The following PCDHGA1 variants were observed in gnomAD, a reference collection of about 807,000 sequenced individuals.
PCDHGA1 encodes protocadherin gamma subfamily A, 1.
PCDHGA1 carries 32 observed loss-of-function variants against 58.0 expected under a neutral mutation model. The observed-to-expected ratio is 0.55, with a 90% CI of 0.42 to 0.74. The LOEUF is 0.74. PCDHGA1 is among the 30% of genes least tolerant of loss of function. The probability of loss-of-function intolerance (pLI) is 0.00; values close to 1 mark genes in which losing one functional copy is unlikely to be tolerated. For missense variants in PCDHGA1, 1,205 were observed against 1,182.3 expected, an observed-to-expected ratio of 1.02 and a Z score of -0.28; for synonymous variants, 498 against 501.1, an observed-to-expected ratio of 0.99 and a Z score of 0.08.
At chr5:141,423,619 T>C (rs1389600826) in intron 1 of PCDHGA1, 1 of 1,608,090 alleles carries the variant, frequency 6.2e-7, no homozygotes. Context: ...AGCTGAAGAC[T>C]CAGCTATCAT....
chr5:141,357,328 G>C, intron 1 of PCDHGA1: 2 of 1,614,102 alleles, frequency 1.2e-6, no homozygotes, highest in Non-Finnish European at 1.7e-6. Context: ...TTTTGTCACG[G>C]TGCTGCTAGC....
At chr5:141,394,883 ACT>A (rs1415060925) in intron 1 of PCDHGA1, 4 of 1,611,604 alleles carry the variant, frequency 2.5e-6, no homozygotes, top group Admixed American at 1.7e-5. Context: ...CGAGCCTTAC[ACT>A]CTATCTCGTG....
intron 1 of PCDHGA1, among the ~76,000 whole-genome samples, chr5:141,475,237 G>C (rs2099360785): frequency 6.6e-6 from 1 of 152,234 alleles, no homozygotes. Flanking sequence ...AAACGATAGA[G>C]AGAGTGTGCT....
At chr5:141,393,886 A>G (rs944974638) in intron 1 of PCDHGA1, 3 of 1,614,034 alleles carry the variant, frequency 1.9e-6, no homozygotes, top group Admixed American at 1.7e-5. Context: ...CCAGTGTTAG[A>G]AAATTCTCTT....
At position 141,489,800 on chromosome 5, in the gene PCDHGA1, A is replaced by T. The variant is rs2099692478; in HGVS notation, c.2422-5007A>T. 1 of 1,614,166 alleles carries T rather than the reference A, an allele frequency of 6.2e-7. No homozygotes were observed. Among genetic ancestry groups the T allele is most frequent in the Non-Finnish European group, 8.5e-7 (1 of 1,179,994 alleles). On this transcript the variant is annotated intron_variant, in intron 1 of 3. Coordinates refer to ENST00000517417, the MANE Select transcript of PCDHGA1 (RefSeq NM_018912.3). This position sits in a 1 kb window ranked among gnomAD's most constrained non-coding sequence, Gnocchi z 4.5. ...TCTCTGAATGTGAAGACCCTAAAAG[A>T]TGGGAAGCCATTCCCAGAGCTGGTG...
At chr5:141,449,156 G>T (rs4432943) in intron 1 of PCDHGA1, among the ~76,000 whole-genome samples, 84,481 of 151,978 alleles carry the variant, frequency 0.56, 26,202 homozygotes, top group African/African-American at 0.85. Context: ...GGTCAAAGAG[G>T]AAATAGGTGT....
At chr5:141,398,384 T>A (rs1413881140) in intron 1 of PCDHGA1, 1 of 1,454,330 alleles carries the variant, frequency 6.9e-7, no homozygotes, top group East Asian at 2.3e-5. Context: ...GAGTTGCTTG[T>A]GAGCAGCAGG....
intron 1 of PCDHGA1, chr5:141,379,749 T>A (rs1396117156): frequency 6.6e-6 from 1 of 152,138 alleles, no homozygotes; most frequent in African/African-American, 2.4e-5. Flanking sequence ...ATGAGGTTCT[T>A]TAATCCACCT....
At chr5:141,372,231 G>T (rs868293386) in intron 1 of PCDHGA1, 3 of 1,613,374 alleles carry the variant, frequency 1.9e-6, no homozygotes, top group Middle Eastern at 3.3e-4. Context: ...GCAGGCCAGC[G>T]AGCCCGGGCT....
At chr5:141,343,850 T>C (rs987195150) in intron 1 of PCDHGA1, 15 of 529,078 alleles carry the variant, frequency 2.8e-5, no homozygotes, top group Non-Finnish European at 4.9e-5. Context: ...GCTCCTAAAA[T>C]GCAAAGAACC....
intron 1 of PCDHGA1, chr5:141,352,663 T>G: frequency 1.3e-6 from 2 of 1,589,980 alleles, no homozygotes; most frequent in Non-Finnish European, 1.7e-6. Flanking sequence ...CTTCTTTGTC[T>G]TCGCACGTGA....
rs1311219092 is a variant in PCDHGA1 at position 141,372,180 on chromosome 5, G to A, written c.2421+39075G>A. 1 of 1,613,652 alleles carries A rather than the reference G, an allele frequency of 6.2e-7. No homozygotes were observed. On this transcript the variant is annotated intron_variant, in intron 1 of 3. Transcript: ENST00000517417. ...GGTGACCAAGGTGGTGGCGGTGGAC[G>A]CAGACTCGGGATACAACGCCTGGCT...
rs544861406 is a variant in PCDHGA1, at chr5:141,356,918, C to G, written c.2421+23813C>G. 6.6e-5 allele frequency: 107 copies of G among 1,614,210 alleles called. 2 individuals are homozygous for G. The Admixed American group carries it at 1.4e-3, about 21-fold the overall frequency. On this transcript the variant is annotated intron_variant, in intron 1 of 3. Transcript: ENST00000517417. ...CCCACCTTCCCTACTGATGGCTCCA[C>G]TGGTGTGGAGCTGGCACCCCGCTCC...
intron 1 of PCDHGA1, chr5:141,415,232 C>G (rs1329834276): frequency 3.1e-6 from 5 of 1,614,076 alleles, no homozygotes; most frequent in Non-Finnish European, 4.2e-6. Flanking sequence ...GAGTCTCCAG[C>G]TAACTCTGAA....
intron 1 of PCDHGA1, chr5:141,375,921 A>G: frequency 6.2e-7 from 1 of 1,613,712 alleles, no homozygotes; most frequent in Admixed American, 1.7e-5. Context: ...AAGGCCAGCG[A>G]GCCAGGACTT....
intron 1 of PCDHGA1, among the ~76,000 whole-genome samples, chr5:141,336,104 A>G (rs1008881938): frequency 1.3e-5 from 2 of 152,224 alleles, no homozygotes; most frequent in African/African-American, 4.8e-5. Context: ...AATAACAAAG[A>G]GTTACATTTT....
rs1303365585 is a variant in PCDHGA1 at position 141,511,350 on chromosome 5, C to A, written c.*177C>A. 2.1e-5 allele frequency: 30 copies of A among 1,397,076 alleles called. No individual in the cohort carries two copies. Among genetic ancestry groups the A allele is most frequent in the African/African-American group, 1.7e-4 (12 of 68,780 alleles). The allele number at this position is 1,397,076 out of a possible 1,614,324, so 86.5% of individuals were successfully genotyped here. Reference sequence around the variant, plus strand: ...CCCAGTCAGCACCTACCCCTTCCCCCCCAGGGGGTTGAATATGCAAAAGCA... The same window carrying A: ...CCCAGTCAGCACCTACCCCTTCCCCACCAGGGGGTTGAATATGCAAAAGCA... On this transcript the variant is annotated 3_prime_UTR_variant, in exon 4 of 4. Transcript: ENST00000517417.
intron 1 of PCDHGA1, chr5:141,384,947 G>A: frequency 6.2e-7 from 1 of 1,614,100 alleles, no homozygotes; most frequent in Non-Finnish European, 8.5e-7. Context: ...CCCTCCGACG[G>A]TCCTTACAAC....
At position 141,379,889 on chromosome 5, in the gene PCDHGA1, C is replaced by CTTTTTTTTTTTTTTTTTTTTT. The variant is rs70988800; in HGVS notation, c.2421+46794_2421+46814dup. The stretch of plus-strand genomic sequence containing the variant: ...CTTATTTTATGGTCTGTGAAAGCCT[C>CTTTTTTTTTTTTTTTTTTTTT]TTTTTTTTTTTTTTTTTTTTTTTTT... On this transcript the variant is annotated intron_variant, in intron 1 of 3. Coordinates refer to ENST00000517417, the MANE Select transcript of PCDHGA1 (RefSeq NM_018912.3). Among the ~76,000 whole-genome samples, 100 of 50,832 alleles carry CTTTTTTTTTTTTTTTTTTTTT rather than the reference C, an allele frequency of 2.0e-3. 11 individuals are homozygous for CTTTTTTTTTTTTTTTTTTTTT. The highest frequency in any genetic ancestry group is 2.9e-3 in the Non-Finnish European group (74 of 25,884). 33.3% of individuals were successfully genotyped at this position (50,832 alleles called of 152,430 possible).
Sources: allele counts gnomAD v4.1 joint callset (sites outside exome capture counted in the v4.1 genomes callset), GRCh38; gene constraint gnomAD v4.1.1; non-coding constraint Gnocchi (gnomAD v3.1); transcripts MANE v1.5; gene names NCBI Gene and HGNC (gene_info 2026-07-23, HGNC 2026-07-21).